The following TRPM2 variants were observed in gnomAD, a reference collection of about 807,000 sequenced individuals.
TRPM2 encodes estrogen-responsive element-associated gene 1 protein.
Under a neutral mutation model 174.0 loss-of-function variants are expected in TRPM2, and 161 were observed. The ratio of observed to expected loss-of-function variants is 0.93; its 90% confidence interval spans 0.81 to 1.05. The LOEUF (loss-of-function observed/expected upper bound fraction) is 1.05, where lower values mean the gene tolerates loss of function less well. TRPM2 is among the 50% of genes least tolerant of loss of function. The pLI, the probability that TRPM2 is intolerant of heterozygous loss-of-function variation, is 0.00. For missense variants in TRPM2, 2,057 were observed against 2,038.0 expected (o/e 1.01, Z -0.18); for synonymous variants, 954 against 861.3 (o/e 1.11, Z -1.88).
chr21:44,407,107 T>C (rs1245332165), intron 19 of TRPM2, among the ~76,000 whole-genome samples: 1 of 43,890 alleles, frequency 2.3e-5, no homozygotes, highest in Admixed American at 2.1e-4. Context: ...AATAACTTCC[T>C]TCTTCTCTTG....
At chr21:44,425,946 G>GA in intron 25 of TRPM2, 119 bp downstream of exon 25, 1 of 1,272,734 alleles carries the variant, frequency 7.9e-7, no homozygotes, top group Non-Finnish European at 1.0e-6. Flanking sequence ...GCCACAGGGG[G>GA]ATCTGTGCGT....
intron 13 of TRPM2, among the ~76,000 whole-genome samples, chr21:44,398,477 A>G (rs1331557889): frequency 6.6e-6 from 1 of 152,148 alleles, no homozygotes; most frequent in Non-Finnish European, 1.5e-5. Flanking sequence ...CTGGGATTAC[A>G]GGCGTGAACC....
At chr21:44,441,000 G>A (rs960065199) in intron 31 of TRPM2, 95 bp downstream of exon 31, 1 of 1,061,804 alleles carries the variant, frequency 9.4e-7, no homozygotes. Context: ...TGGGGGTCTG[G>A]ATTCTGGCAG....
intron 27 of TRPM2, among the ~76,000 whole-genome samples, chr21:44,431,618 G>C (rs1175897775): frequency 6.6e-6 from 1 of 152,086 alleles, no homozygotes; most frequent in Non-Finnish European, 1.5e-5. Flanking sequence ...TGGAATTACA[G>C]GCACGCACCA....
chr21:44,417,206 GCT>G (rs1179541642), intron 20 of TRPM2, among the ~76,000 whole-genome samples: 4 of 125,876 alleles, frequency 3.2e-5, no homozygotes, highest in Non-Finnish European at 4.9e-5. Context: ...GCGTGGCTCT[GCT>G]CTCTGGCATC....
intron 8 of TRPM2, among the ~76,000 whole-genome samples, chr21:44,381,907 CAAA>C (rs751389057): frequency 0.033 from 2,204 of 66,854 alleles, 49 homozygotes; most frequent in African/African-American, 0.081. Flanking sequence ...AAGTCTGTCT[CAAA>C]AAAAAAAAAA....
intron 2 of TRPM2, among the ~76,000 whole-genome samples, chr21:44,359,840 C>T (rs1048520186): frequency 4.3e-4 from 65 of 151,800 alleles, no homozygotes; most frequent in Non-Finnish European, 6.9e-4. Flanking sequence ...CTCCACCTCC[C>T]GGGCTCAAGC....
In TRPM2 at chr21:44,436,388, G is replaced by A. The variant is rs192718484; in HGVS notation, c.4062-674G>A. Among the ~76,000 whole-genome samples, 249 of 152,200 alleles carry A rather than the reference G, an allele frequency of 1.6e-3. 1 individual carries two copies. The highest frequency in any genetic ancestry group is 5.5e-3 in the African/African-American group (230 of 41,518). ...CTTGCTGCCCAGCCACTCTCACCCA[G>A]TGGCTTCTCTGGCCGTGCAGACATG... On this transcript the variant is annotated intron_variant, in intron 28 of 31. Coordinates refer to ENST00000397928, the MANE Select transcript of TRPM2 (RefSeq NM_003307.4).
chr21:44,371,878 ATCCCAGCACATTGGG>A (rs2048551522), intron 5 of TRPM2, among the ~76,000 whole-genome samples: 1 of 152,194 alleles, frequency 6.6e-6, no homozygotes. Context: ...CACACCTGTC[ATCCCAGCACATTGGG>A]AGGCTGAGAT....
In TRPM2 at chr21:44,400,294, C is replaced by T. The variant is rs768244891; in HGVS notation, c.2244C>T (p.Ser748=). 21 of 1,612,786 alleles carry T rather than the reference C, an allele frequency of 1.3e-5. No individual in the cohort carries two copies. The highest frequency in any genetic ancestry group is 5.3e-5 in the African/African-American group (4 of 74,928). Residue 748 remains serine (S), a synonymous_variant, in exon 15 of 32, where the codon TCC becomes TCT. Coordinates refer to ENST00000397928, the MANE Select transcript of TRPM2 (RefSeq NM_003307.4). ...FLTKVWWGQL[S]VDNGLWRVTL... ...CCAAGGTGTGGTGGGGCCAGCTCTC[C>T]GTGGACAATGGGCTGTGGCGTGTGA... is the stretch of plus-strand genomic sequence containing the variant.
chr21:44,424,549 CT>C (rs1025696542), intron 23 of TRPM2, among the ~76,000 whole-genome samples: 3 of 152,228 alleles, frequency 2.0e-5, no homozygotes, highest in African/African-American at 4.8e-5. Context: ...TGCCTTCATG[CT>C]GGCTCCATCC....
intron 9 of TRPM2, among the ~76,000 whole-genome samples, chr21:44,383,214 T>C (rs11911248): frequency 0.27 from 41,645 of 151,698 alleles, 6,638 homozygotes; most frequent in African/African-American, 0.45. Flanking sequence ...AGGAATGGTG[T>C]GATGGACTTG....
At chr21:44,359,063 TC>T (rs916380472) in intron 2 of TRPM2, among the ~76,000 whole-genome samples, 2 of 152,166 alleles carry the variant, frequency 1.3e-5, no homozygotes, top group Admixed American at 6.5e-5. Flanking sequence ...CGCTGATTGG[TC>T]CATTTTACAG....
chr21:44,364,394 G>A (rs1260995351), intron 3 of TRPM2, 112 bp downstream of exon 3: 1 of 1,327,100 alleles, frequency 7.5e-7, no homozygotes, highest in African/African-American at 1.4e-5. Flanking sequence ...CAAAGCTCCA[G>A]GGTGCATAGA....
Position 44,353,790 on chromosome 21 carries a change from C to T in TRPM2, c.90C>T (p.Val30=), listed in dbSNP as rs1194520072. Residue 30 remains valine, a synonymous_variant, in exon 1 of 32, where the codon GTC becomes GTT. Transcript: ENST00000397928. ...LPRRVTDLGM[V]SNLRRSNSSL... ...GAAGGGTCACTGACCTGGGGATGGT[C>T]TCCAATCTCCGGCGCAGCAACAGCA... 9 of 1,604,232 alleles carry T rather than the reference C, an allele frequency of 5.6e-6. No homozygotes were observed. The highest frequency in any genetic ancestry group is 5.1e-5 in the Admixed American group (3 of 58,298).
At chr21:44,431,012 T>C (rs1306986445) in intron 27 of TRPM2, among the ~76,000 whole-genome samples, 1 of 151,646 alleles carries the variant, frequency 6.6e-6, no homozygotes, top group African/African-American at 2.4e-5. Context: ...TATAATCTTT[T>C]CAAAAAACTA....
intron 22 of TRPM2, chr21:44,422,480 C>A: frequency 6.6e-7 from 1 of 1,519,676 alleles, no homozygotes; most frequent in Non-Finnish European, 8.8e-7. Flanking sequence ...AGGAGATGCC[C>A]AGGCCTGGAG....
chr21:44,416,150 C>A (rs1311760687), intron 20 of TRPM2: 1 of 152,368 alleles, frequency 6.6e-6, no homozygotes, highest in Non-Finnish European at 1.5e-5. Flanking sequence ...GAAAGCCTCC[C>A]AGGCCCTCAG....
At position 44,397,767 on chromosome 21, in the gene TRPM2, G is replaced by A. The variant is rs376981353; in HGVS notation, c.1953G>A (p.Ala651=). The A allele has an allele frequency of 1.8e-5, 29 of 1,594,668 alleles. No homozygotes were observed. The highest frequency in any genetic ancestry group is 8.1e-5 in the African/African-American group (6 of 74,346). Residue 651 remains alanine, a synonymous_variant, in exon 13 of 32, where the codon GCG becomes GCA. Coordinates refer to ENST00000397928, the MANE Select transcript of TRPM2 (RefSeq NM_003307.4). ...CCCAGAGCCAGGACTGCATCGCAGCGGCCTTGGCCTGCAGCAAGATCCTGA... is the reference window on the plus strand; with the variant it reads ...CCCAGAGCCAGGACTGCATCGCAGCAGCCTTGGCCTGCAGCAAGATCCTGA... ...IWAQSQDCIA[A]ALACSKILKE...
Sources: gnomAD v4.1 joint callset for allele counts (sites outside exome capture counted in the v4.1 genomes callset) on GRCh38, gnomAD v4.1.1 for gene constraint, MANE v1.5 for transcripts, NCBI Gene and HGNC (gene_info 2026-07-23, HGNC 2026-07-21) for gene names.